The following KDM2A variants were observed in gnomAD, a reference collection of about 807,000 sequenced individuals.
KDM2A encodes the protein lysine demethylase 2A.
In KDM2A, 3 loss-of-function variants were observed where a neutral mutation model predicts 137.3. The ratio of observed to expected loss-of-function variants is 0.02; its 90% CI spans 0.01 to 0.06. KDM2A has a LOEUF of 0.06. Ranked by LOEUF, KDM2A falls within the 10% of genes least tolerant of loss-of-function variation. The pLI is 1.00. For missense variants in KDM2A, 738 were observed against 1,510.6 expected (o/e 0.49, Z 8.48); for synonymous variants, 512 against 541.5 (o/e 0.95, Z 0.76).
intron 2 of KDM2A, among the ~76,000 whole-genome samples, chr11:67,146,716 C>T (rs773412916): frequency 6.6e-6 from 1 of 151,950 alleles, no homozygotes; most frequent in African/African-American, 2.4e-5. Flanking sequence ...TGATGTGTTG[C>T]CCAGATTGGT....
At chr11:67,215,784 G>T (rs899398664) in intron 7 of KDM2A, 72 bp from the exon 8 acceptor site, 15 of 1,068,212 alleles carry the variant, frequency 1.4e-5, no homozygotes, top group African/African-American at 1.4e-4. Context: ...TAAGAGGAGA[G>T]TATGGCATTT....
At chr11:67,170,503 C>T (rs894844238) in intron 2 of KDM2A, among the ~76,000 whole-genome samples, 1 of 149,644 alleles carries the variant, frequency 6.7e-6, no homozygotes, top group African/African-American at 2.5e-5. Context: ...AGCTCCGCCT[C>T]CTGGGTTCGC....
At chr11:67,217,533 T>C in intron 8 of KDM2A, 198 bp from the exon 9 acceptor site, 2 of 588,520 alleles carry the variant, frequency 3.4e-6, no homozygotes, top group Non-Finnish European at 6.0e-6. Flanking sequence ...CTTAATGCTG[T>C]TGGATCAAGT....
At chr11:67,223,409 T>G (rs1248185729) in intron 10 of KDM2A, among the ~76,000 whole-genome samples, 1 of 151,564 alleles carries the variant, frequency 6.6e-6, no homozygotes, top group Non-Finnish European at 1.5e-5. Flanking sequence ...ATTTATTTAT[T>G]TATTTATTTT....
In KDM2A at chr11:67,254,778, G is replaced by A. The variant is rs1859547222; in HGVS notation, c.3308-96G>A. 1.7e-6 allele frequency: 2 copies of A among 1,199,346 alleles called. No individual in the cohort carries two copies. The highest frequency in any genetic ancestry group is 2.4e-6 in the Non-Finnish European group (2 of 843,384). 74.3% of individuals were successfully genotyped at this position (1,199,346 alleles called of 1,614,324 possible). A position where few individuals can be genotyped will look rare whatever the true frequency, so the allele number is the denominator to read the frequency against. On this transcript the variant is annotated intron_variant, in intron 20 of 20. Coordinates refer to ENST00000529006, the MANE Select transcript of KDM2A (RefSeq NM_012308.3). The surrounding 1 kb of genome is among the most constrained non-coding windows in gnomAD (Gnocchi z 4.7). ...TAGTTGTGGGACAAAGAGGGCTTTT[G>A]TTTAGCATTTTGAAGGAAAGACGGC...
chr11:67,166,557 G>A (rs919309494), intron 2 of KDM2A, among the ~76,000 whole-genome samples: 1 of 152,026 alleles, frequency 6.6e-6, no homozygotes, highest in Non-Finnish European at 1.5e-5. Context: ...TGGAGTGGGG[G>A]TGCTTTAAAG....
At chr11:67,137,470 A>G (rs928158769) in intron 2 of KDM2A, among the ~76,000 whole-genome samples, 3 of 152,142 alleles carry the variant, frequency 2.0e-5, no homozygotes, top group African/African-American at 7.2e-5. Flanking sequence ...TGATTCTATG[A>G]TTGAGATTCT....
chr11:67,218,472 A>G (rs1252865880), intron 9 of KDM2A, among the ~76,000 whole-genome samples: 2 of 152,208 alleles, frequency 1.3e-5, no homozygotes, highest in Admixed American at 1.3e-4. Flanking sequence ...CACAGGCCTC[A>G]TGCAGCCCAG....
At chr11:67,169,755 C>G (rs1330993269) in intron 2 of KDM2A, among the ~76,000 whole-genome samples, 1 of 48,334 alleles carries the variant, frequency 2.1e-5, no homozygotes, top group African/African-American at 3.4e-5. Context: ...CTCTCTCTCT[C>G]TCTCTTTTTT....
rs140382270 is a variant in KDM2A, at chr11:67,127,387, C to G, written c.42+6029C>G. ...CGATCCACCTTGGCTTCCCAAAGTG[C>G]TGGGAGTACAGGTGTGAGCCACTAT... On this transcript the variant is annotated intron_variant, in intron 2 of 20. Transcript: ENST00000529006. 8.7e-3 allele frequency among the ~76,000 whole-genome samples: 1,322 copies of G among 152,120 alleles called. 16 individuals carry two copies. The highest frequency in any genetic ancestry group is 0.011 in the Non-Finnish European group (749 of 68,004).
intron 12 of KDM2A, among the ~76,000 whole-genome samples, chr11:67,235,669 T>G (rs780306672): frequency 6.6e-6 from 1 of 151,908 alleles, no homozygotes; most frequent in Non-Finnish European, 1.5e-5. Context: ...TCACCTAGGC[T>G]GGGGTGCAGT....
At chr11:67,168,181 C>T (rs1019314002) in intron 2 of KDM2A, among the ~76,000 whole-genome samples, 4 of 151,810 alleles carry the variant, frequency 2.6e-5, no homozygotes, top group African/African-American at 9.7e-5. Flanking sequence ...AGAGAAACCC[C>T]CTAAAATTTG....
intron 5 of KDM2A, among the ~76,000 whole-genome samples, chr11:67,193,199 A>G (rs944359397): frequency 4.6e-5 from 7 of 152,062 alleles, no homozygotes; most frequent in Admixed American, 1.3e-4. Flanking sequence ...CATGTTGGCC[A>G]GGCTGATCTT....
At chr11:67,176,933 T>G (rs1383239321) in intron 2 of KDM2A, among the ~76,000 whole-genome samples, 1 of 152,200 alleles carries the variant, frequency 6.6e-6, no homozygotes, top group East Asian at 1.9e-4. Flanking sequence ...GAACAGTGTT[T>G]TATTTTTTAA....
intron 2 of KDM2A, among the ~76,000 whole-genome samples, chr11:67,163,226 A>G (rs1454928417): frequency 2.0e-5 from 3 of 152,198 alleles, no homozygotes; most frequent in African/African-American, 7.2e-5. Context: ...CAGCAGCTGC[A>G]TAACCAACTC....
At position 67,153,983 on chromosome 11, in the gene KDM2A, C is replaced by T. The variant is rs527645280; in HGVS notation, c.43-26096C>T. On this transcript the variant is annotated intron_variant, in intron 2 of 20. Transcript: ENST00000529006. ...ACATTATTCCTAAATGTTTTAGCTG[C>T]CTCTCCTAAGAATAAGAACATGATC... 3.3e-5 allele frequency among the ~76,000 whole-genome samples: 5 copies of T among 152,166 alleles called. No individual in the cohort carries two copies. In the South Asian group the frequency reaches 1.0e-3, roughly 32 times the overall value.
At chr11:67,127,491 A>G (rs1045220682) in intron 2 of KDM2A, among the ~76,000 whole-genome samples, 1 of 152,116 alleles carries the variant, frequency 6.6e-6, no homozygotes, top group Non-Finnish European at 1.5e-5. Context: ...AAAAATAAGA[A>G]ATTGAGAGCT....
intron 2 of KDM2A, among the ~76,000 whole-genome samples, chr11:67,152,769 C>G (rs1158444677): frequency 6.6e-6 from 1 of 152,054 alleles, no homozygotes; most frequent in Non-Finnish European, 1.5e-5. Flanking sequence ...CATTCCATAG[C>G]AGATGTTTAA....
intron 5 of KDM2A, chr11:67,196,665 A>G (rs769325505): frequency 3.0e-5 from 10 of 336,198 alleles, no homozygotes; most frequent in Non-Finnish European, 5.3e-5. Flanking sequence ...CATGAAGTAT[A>G]TAGAGTAACC....
Sources: allele counts gnomAD v4.1 joint callset (sites outside exome capture counted in the v4.1 genomes callset), GRCh38; gene constraint gnomAD v4.1.1; non-coding constraint Gnocchi (gnomAD v3.1); transcripts MANE v1.5; gene names NCBI Gene and HGNC (gene_info 2026-07-23, HGNC 2026-07-21).